The following MID1 variants were observed in gnomAD, a reference collection of about 807,000 sequenced individuals.
MID1 encodes the protein E3 ubiquitin-protein ligase Midline-1.
A neutral mutation model predicts 40.4 loss-of-function variants in MID1; 7 were observed. That is an observed-to-expected ratio of 0.17 (90% CI 0.10 to 0.33). The LOEUF is 0.33. Among genes scored for constraint, MID1 ranks in the 10% least tolerant of loss-of-function variants. The pLI, the probability that MID1 is intolerant of heterozygous loss-of-function variation, is 1.00. For synonymous variants in MID1, 229 were observed against 221.2 expected, an observed-to-expected ratio of 1.04 and a Z score of -0.31; for missense variants, 367 against 558.5, an observed-to-expected ratio of 0.66 and a Z score of 3.46.
chrX:10,695,003 G>A (rs1351831309), intron 1 of MID1, among the ~76,000 whole-genome samples: 4 of 111,783 alleles, frequency 3.6e-5, no homozygotes, highest in Non-Finnish European at 7.5e-5. Flanking sequence ...GATGAGAGGG[G>A]CCTGAAGTCT....
chrX:10,468,696 A>G (rs745695614), intron 7 of MID1, among the ~76,000 whole-genome samples: 5 of 111,296 alleles, frequency 4.5e-5, no homozygotes, highest in Non-Finnish European at 9.4e-5. Context: ...TACTACTGCT[A>G]TTTGAAATCA....
chrX:10,488,765 T>A (rs1452458908), intron 4 of MID1, among the ~76,000 whole-genome samples: 1 of 110,740 alleles, frequency 9.0e-6, no homozygotes, highest in Non-Finnish European at 1.9e-5. Context: ...CCAGCGAATA[T>A]AAGCAGGCAG....
chrX:10,590,968 T>C (rs1035774301), intron 1 of MID1, among the ~76,000 whole-genome samples: 2 of 111,993 alleles, frequency 1.8e-5, no homozygotes, highest in Admixed American at 1.9e-4. Context: ...TTGAAATGCA[T>C]TTTAAGTGTG....
At position 10,827,267 on chromosome X, in the gene MID1, G is replaced by A. The variant is rs763675692; in HGVS notation, c.-187+6287C>T. ...TTGTTGCTGCTCAGGCTGCAGTTGT[G>A]ATATAATTGTCAATGCCTGCCCATG... On this transcript the variant is annotated intron_variant, in intron 1 of 10. Transcript: ENST00000380785. Among the ~76,000 whole-genome samples, 6 of 111,132 alleles carry A rather than the reference G, an allele frequency of 5.4e-5. No homozygotes were observed. The South Asian group carries it at 2.3e-3, about 43-fold the overall frequency.
At chrX:10,689,266 T>C (rs1222692791) in intron 1 of MID1, among the ~76,000 whole-genome samples, 1 of 111,573 alleles carries the variant, frequency 9.0e-6, no homozygotes, top group Non-Finnish European at 1.9e-5. Flanking sequence ...CTCAGGAAAC[T>C]TAACGATCAT....
At chrX:10,532,633 T>G (rs1182222778) in intron 2 of MID1, among the ~76,000 whole-genome samples, 1 of 112,379 alleles carries the variant, frequency 8.9e-6, no homozygotes, top group Non-Finnish European at 1.9e-5. Context: ...TAATAGTAGT[T>G]AATTATTTTT....
chrX:10,587,867 A>C (rs1220570059), intron 1 of MID1, among the ~76,000 whole-genome samples: 2 of 110,916 alleles, frequency 1.8e-5, no homozygotes, highest in Non-Finnish European at 3.8e-5. Flanking sequence ...GCCAAATTTT[A>C]CCTTTATATT....
intron 7 of MID1, among the ~76,000 whole-genome samples, chrX:10,460,842 T>C (rs749602899): frequency 9.0e-6 from 1 of 111,304 alleles, no homozygotes; most frequent in African/African-American, 3.3e-5. Flanking sequence ...TTTGATAATC[T>C]AATAAAACCT....
chrX:10,595,975 T>A (rs756004972), intron 1 of MID1, among the ~76,000 whole-genome samples: 89 of 111,832 alleles, frequency 8.0e-4, no homozygotes, highest in East Asian at 2.8e-3. Flanking sequence ...AAATTTTTTT[T>A]AAAAAAAATT....
intron 1 of MID1, among the ~76,000 whole-genome samples, chrX:10,716,784 C>A (rs2043307110): frequency 1.8e-5 from 2 of 111,696 alleles, no homozygotes; most frequent in Non-Finnish European, 3.8e-5. Context: ...ACGTTAAGGG[C>A]AGCCAGAGAG....
intron 1 of MID1, among the ~76,000 whole-genome samples, chrX:10,642,862 C>T (rs1382793671): frequency 9.0e-6 from 1 of 110,526 alleles, no homozygotes; most frequent in African/African-American, 3.3e-5. Flanking sequence ...TAATACCACA[C>T]ATCTACAACC....
intron 1 of MID1, among the ~76,000 whole-genome samples, chrX:10,830,105 C>T (rs1279828205): frequency 8.9e-6 from 1 of 112,283 alleles, no homozygotes; most frequent in Non-Finnish European, 1.9e-5. Context: ...TATAAGCACA[C>T]CAAGTTTATT....
chrX:10,765,942 GGAAAGAAA>G (rs201959862), intron 1 of MID1, among the ~76,000 whole-genome samples: 14,188 of 65,038 alleles, frequency 0.22, 1,453 homozygotes, highest in Middle Eastern at 0.27. Context: ...GGAAAGGAAA[GGAAAGAAA>G]GAAAGAAAGA....
chrX:10,673,717 A>G (rs10283997), intron 1 of MID1, among the ~76,000 whole-genome samples: 14,770 of 110,255 alleles, frequency 0.13, 1,827 homozygotes, highest in African/African-American at 0.39. Context: ...AAGTGTGCTA[A>G]AAAGTGCTTT....
At chrX:10,762,019 T>C (rs1021365064) in intron 1 of MID1, among the ~76,000 whole-genome samples, 1 of 112,056 alleles carries the variant, frequency 8.9e-6, no homozygotes, top group African/African-American at 3.2e-5. Flanking sequence ...GAAAATTCCC[T>C]TATCTTTCAG....
At chrX:10,780,703 T>C (rs1317092303) in intron 1 of MID1, among the ~76,000 whole-genome samples, 2 of 111,961 alleles carry the variant, frequency 1.8e-5, no homozygotes, top group Non-Finnish European at 3.8e-5. Flanking sequence ...TGAGTTCCTT[T>C]ACACCAGATT....
intron 1 of MID1, among the ~76,000 whole-genome samples, chrX:10,661,318 C>CTTTTT (rs113834216): frequency 1.9e-4 from 20 of 102,636 alleles, no homozygotes; most frequent in South Asian, 4.3e-4. Context: ...CCAACTATTT[C>CTTTTT]TTTTTTTTTT....
intron 2 of MID1, among the ~76,000 whole-genome samples, chrX:10,530,695 T>A (rs980671861): frequency 8.9e-6 from 1 of 112,134 alleles, no homozygotes; most frequent in African/African-American, 3.2e-5. Context: ...TACACCAATC[T>A]CAATATGAGC....
rs1466434678 is a variant in MID1 at position 10,469,726 on chromosome X, G to A, written c.1256C>T (p.Thr419Ile). The change falls in exon 7 of 10, where the codon ACC becomes ATC. Residue 419 changes from threonine (T) to isoleucine (I), a missense_variant. By Grantham distance (89) the Thr-to-Ile change is moderately conservative. Around this residue, in one of 3 missense-constraint regions of MID1, gnomAD observed 275 missense variants for 383.1 expected, o/e 0.72. Transcript: ENST00000317552. ...FSVVSYELQYTIFTGQANVVS... is the reference protein window; with the variant it reads ...FSVVSYELQYIIFTGQANVVS... The stretch of plus-strand genomic sequence containing the variant: ...GACGTTGGCTTGTCCGGTGAATATG[G>A]TGTACTGGAGCTCGTAGGAGACCAC... 3.3e-6 allele frequency: 4 copies of A among 1,209,537 alleles called. No homozygotes were observed. The highest frequency in any genetic ancestry group is 2.2e-5 in the Admixed American group (1 of 45,736).
Sources: gnomAD v4.1 joint callset for allele counts (sites outside exome capture counted in the v4.1 genomes callset) on GRCh38, gnomAD v4.1.1 for gene constraint, gnomAD v4.1.1 regional missense constraint, MANE v1.5 for transcripts, NCBI Gene and HGNC (gene_info 2026-07-23, HGNC 2026-07-21) for gene names.